Variants in DENND5B observed in about 807,000 individuals in gnomAD.
DENND5B encodes DENN domain-containing protein 5B.
In DENND5B, 34 loss-of-function variants were observed where a neutral mutation model predicts 140.6. The ratio of observed to expected loss-of-function variants is 0.24; its 90% CI spans 0.18 to 0.32. The LOEUF (loss-of-function observed/expected upper bound fraction) is 0.32. Among genes scored for constraint, DENND5B ranks in the 10% least tolerant of loss-of-function variants. The pLI, the probability that DENND5B is intolerant of heterozygous loss-of-function variation, is 1.00. For synonymous variants in DENND5B, 551 were observed against 562.1 expected, an observed-to-expected ratio of 0.98 and a Z score of 0.28; for missense variants, 1,142 against 1,560.2, an observed-to-expected ratio of 0.73 and a Z score of 4.52.
chr12:31,410,411 T>TA (rs1022781627), intron 13 of DENND5B, among the ~76,000 whole-genome samples: 1 of 152,186 alleles, frequency 6.6e-6, no homozygotes, highest in African/African-American at 2.4e-5. Flanking sequence ...TTTATTTATT[T>TA]ATTTTTCTTG....
intron 1 of DENND5B, among the ~76,000 whole-genome samples, chr12:31,533,859 T>A (rs537338479): frequency 6.6e-6 from 1 of 151,566 alleles, no homozygotes; most frequent in South Asian, 2.1e-4. Context: ...ATCTATTGTC[T>A]AAAAGACAAA....
chr12:31,575,909 T>C (rs1038656880), intron 1 of DENND5B, among the ~76,000 whole-genome samples: 3 of 151,810 alleles, frequency 2.0e-5, no homozygotes, highest in African/African-American at 7.3e-5. Context: ...GAGGTTGCAG[T>C]GAGCCAAGAT....
At chr12:31,418,866 C>T (rs550249014) in intron 11 of DENND5B, among the ~76,000 whole-genome samples, 19 of 152,296 alleles carry the variant, frequency 1.2e-4, no homozygotes, top group Admixed American at 3.9e-4. Context: ...TCTCAAACGC[C>T]TGGCTCAAGG....
intron 1 of DENND5B, among the ~76,000 whole-genome samples, chr12:31,517,113 CAG>C (rs1398630581): frequency 3.3e-5 from 5 of 151,842 alleles, no homozygotes; most frequent in Middle Eastern, 3.4e-3. Context: ...GAAAAAAAAA[CAG>C]AAATAAAAAC....
chr12:31,514,933 C>A (rs1205380944), intron 1 of DENND5B, among the ~76,000 whole-genome samples: 5 of 151,948 alleles, frequency 3.3e-5, no homozygotes, highest in Non-Finnish European at 7.4e-5. Flanking sequence ...GCCTGGGCAA[C>A]ATATCAAGAC....
intron 1 of DENND5B, among the ~76,000 whole-genome samples, chr12:31,570,114 G>A (rs1162766976): frequency 6.9e-6 from 1 of 145,426 alleles, no homozygotes; most frequent in African/African-American, 2.6e-5. Context: ...AGAATCACTG[G>A]AACCCGGGAG....
At chr12:31,528,895 C>T (rs1356319213) in intron 1 of DENND5B, among the ~76,000 whole-genome samples, 1 of 152,068 alleles carries the variant, frequency 6.6e-6, no homozygotes, top group Non-Finnish European at 1.5e-5. Flanking sequence ...GGCACGGTGG[C>T]TCATGCCTGT....
At chr12:31,476,121 G>A (rs987859693) in intron 3 of DENND5B, among the ~76,000 whole-genome samples, 20 of 150,808 alleles carry the variant, frequency 1.3e-4, no homozygotes, top group African/African-American at 4.1e-4. Context: ...GCAAGACTCC[G>A]TCTCAATAAA....
At chr12:31,523,233 T>C (rs1012923104) in intron 1 of DENND5B, among the ~76,000 whole-genome samples, 6 of 152,016 alleles carry the variant, frequency 3.9e-5, no homozygotes, top group African/African-American at 1.2e-4. Flanking sequence ...TGGCTAATTT[T>C]TGTATTTTTA....
chr12:31,504,819 G>T lies in DENND5B; in HGVS notation c.128-8900C>A, dbSNP rs117380522. 6.4e-4 allele frequency among the ~76,000 whole-genome samples: 97 copies of T among 152,292 alleles called. No homozygotes were observed. In the East Asian group the frequency reaches 0.017, roughly 27 times the overall value. On this transcript the variant is annotated intron_variant, in intron 1 of 20. Coordinates refer to ENST00000389082, the MANE Select transcript of DENND5B (RefSeq NM_144973.4). Reference sequence around the variant, plus strand: ...GGTCAAACGATTAGTTCTTGCCAATGATATGTGGGCAGCAATGACGTCATT... The same window carrying T: ...GGTCAAACGATTAGTTCTTGCCAATTATATGTGGGCAGCAATGACGTCATT...
At chr12:31,400,412 T>C (rs1941729696) in intron 15 of DENND5B, among the ~76,000 whole-genome samples, 1 of 152,194 alleles carries the variant, frequency 6.6e-6, no homozygotes, top group Non-Finnish European at 1.5e-5. Context: ...TGGTCCTTTG[T>C]GGACAAGTAC....
intron 1 of DENND5B, chr12:31,499,725 A>G (rs1471195234): frequency 6.6e-6 from 9 of 1,359,008 alleles, no homozygotes; most frequent in Non-Finnish European, 8.6e-6. Context: ...AAACAAACAA[A>G]AAGCAAAAAT....
rs998913596 is a variant in DENND5B, at chr12:31,387,546, C to T, written c.*57G>A. On this transcript the variant is annotated 3_prime_UTR_variant, in exon 21 of 21. Coordinates refer to ENST00000389082, the MANE Select transcript of DENND5B (RefSeq NM_144973.4). ...TCACTACTGTCAGACAAGTCCAAAT[C>T]GGTCCCCTAGTTGGGGAAGGAGCAA... The T allele has an allele frequency of 2.0e-5, 32 of 1,563,318 alleles. No individual in the cohort carries two copies. Among genetic ancestry groups the T allele is most frequent in the Middle Eastern group, 1.7e-4 (1 of 5,844 alleles).
chr12:31,555,436 T>C (rs1592042619), intron 1 of DENND5B, among the ~76,000 whole-genome samples: 1 of 152,144 alleles, frequency 6.6e-6, no homozygotes, highest in South Asian at 2.1e-4. Context: ...GAGGAGTACC[T>C]GGCCGTGTGA....
At chr12:31,406,124 G>A (rs1385021999) in intron 14 of DENND5B, among the ~76,000 whole-genome samples, 1 of 151,762 alleles carries the variant, frequency 6.6e-6, no homozygotes, top group South Asian at 2.1e-4. Flanking sequence ...AGGATTACAG[G>A]TGTGAGCCAC....
chr12:31,478,507 G>A (rs148026945), intron 3 of DENND5B, among the ~76,000 whole-genome samples: 101 of 152,158 alleles, frequency 6.6e-4, no homozygotes, highest in Non-Finnish European at 1.2e-3. Flanking sequence ...GATTTTGAGA[G>A]TCCAGGGCAA....
intron 1 of DENND5B, among the ~76,000 whole-genome samples, chr12:31,569,915 G>T (rs1949758644): frequency 6.6e-6 from 1 of 152,014 alleles, no homozygotes; most frequent in Admixed American, 6.6e-5. Context: ...CCAAAAAATG[G>T]CCTGGTGCGG....
In DENND5B at chr12:31,590,999, G is replaced by A. The variant is rs902002803; in HGVS notation, c.-167C>T. 3.9e-6 allele frequency: 3 copies of A among 773,508 alleles called. No homozygotes were observed. Among genetic ancestry groups the A allele is most frequent in the Non-Finnish European group, 4.8e-6 (3 of 629,450 alleles). The allele number at this position is 773,508 out of a possible 1,614,324, so 47.9% of individuals were successfully genotyped here. On this transcript the variant is annotated 5_prime_UTR_variant, in exon 1 of 21. Coordinates refer to ENST00000389082, the MANE Select transcript of DENND5B (RefSeq NM_144973.4). ...GCCGCCGCAGCCTGCCTCCTCGCTC[G>A]GCGCGGGGGAAGCGGCCGCGGGCTC...
intron 11 of DENND5B, 78 bp downstream of exon 11, chr12:31,423,519 A>C: frequency 5.7e-6 from 8 of 1,415,210 alleles, no homozygotes; most frequent in Non-Finnish European, 7.8e-6. Context: ...TGAGAGAGAA[A>C]GAGATCAAGA....
Sources: gnomAD v4.1 joint callset for allele counts (sites outside exome capture counted in the v4.1 genomes callset) on GRCh38, gnomAD v4.1.1 for gene constraint, MANE v1.5 for transcripts, NCBI Gene and HGNC (gene_info 2026-07-23, HGNC 2026-07-21) for gene names.